The following NUCB2 variants were observed in gnomAD, a reference collection of about 807,000 sequenced individuals.
The protein encoded by NUCB2 is nucleobindin-2.
In NUCB2, 48 loss-of-function variants were observed where a neutral mutation model predicts 57.9. The ratio of observed to expected loss-of-function variants is 0.83; its 90% confidence interval spans 0.66 to 1.05. The LOEUF is 1.05. NUCB2 is among the 50% of genes least tolerant of loss of function. NUCB2 has a pLI of 0.00. For synonymous variants in NUCB2, 139 were observed against 152.1 expected (o/e 0.91, Z 0.64); for missense variants, 442 against 476.2 (o/e 0.93, Z 0.67).
chr11:17,335,831 C>A (rs2139549439), downstream of NUCB2, among the ~76,000 whole-genome samples: 1 of 151,988 alleles, frequency 6.6e-6, no homozygotes, highest in East Asian at 2.0e-4. Flanking sequence ...AAACAGTATT[C>A]TTTTCAGTTG....
intron 2 of NUCB2, among the ~76,000 whole-genome samples, chr11:17,337,928 C>A (rs541793409): frequency 2.0e-5 from 3 of 152,186 alleles, no homozygotes; most frequent in Non-Finnish European, 2.9e-5. Flanking sequence ...AGCCACTGCG[C>A]CTGGCCTTTT....
Position 17,313,368 on chromosome 11 carries a change from A to G in NUCB2, c.912+1248A>G, listed in dbSNP as rs1438296335. Among the ~76,000 whole-genome samples, 4 of 151,870 alleles carry G rather than the reference A, an allele frequency of 2.6e-5. No individual in the cohort carries two copies. In the East Asian group the frequency reaches 7.8e-4, roughly 30 times the overall value. ...AACATGGTGAAACCCTGTGTCTACT[A>G]AAAATACAAAGATTAGCTGGGTGTG... On this transcript the variant is annotated intron_variant, in intron 10 of 13. Transcript: ENST00000529010.
intron 1 of NUCB2, among the ~76,000 whole-genome samples, chr11:17,279,675 A>G (rs898913315): frequency 2.8e-4 from 42 of 152,232 alleles, no homozygotes; most frequent in African/African-American, 9.6e-4. Flanking sequence ...GGACTACTGT[A>G]CCTCCAAGAT....
At chr11:17,343,652 G>A (rs529526160) in intron 2 of NUCB2, among the ~76,000 whole-genome samples, 92 of 152,188 alleles carry the variant, frequency 6.0e-4, no homozygotes, top group African/African-American at 1.9e-3. Context: ...CCTTATTAAA[G>A]TAGTGATATA....
chr11:17,284,183 A>C lies in NUCB2; in HGVS notation c.-1+1240A>C, dbSNP rs560066665. Among the ~76,000 whole-genome samples, 17 of 151,854 alleles carry C rather than the reference A, an allele frequency of 1.1e-4. No individual in the cohort carries two copies. The South Asian group carries it at 1.9e-3, about 17-fold the overall frequency. ...CAGGCATCCACCACCACACCCAACT[A>C]ATTTTTGTATTTTTAGTAGAGATGG... On this transcript the variant is annotated intron_variant, in intron 2 of 13. Transcript: ENST00000529010.
chr11:17,349,923 G>A (rs1338383039), exon 3 of NUCB2: 1 of 152,196 alleles, frequency 6.6e-6, no homozygotes, highest in South Asian at 2.1e-4. Flanking sequence ...TTTGAATACC[G>A]TGTCTCAATG....
chr11:17,311,278 T>G lies in NUCB2; in HGVS notation c.755T>G (p.Leu252Ter). 6.3e-7 allele frequency: 1 copy of G among 1,590,468 alleles called. No homozygotes were observed. The highest frequency in any genetic ancestry group is 1.1e-5 in the South Asian group (1 of 89,610). ...TTTGACCCCAAGACATTTTTCAAAT[T>G]ACATGGTAACGATTTGATACAAATA... ...NDFDPKTFFK[L>*]HDVNSDGFLD... Residue 252 changes from leucine (L) to a stop codon, truncating the protein, a stop_gained, in exon 8 of 14, where the codon TTA (leucine) becomes TGA (stop). Coordinates refer to ENST00000529010, the MANE Select transcript of NUCB2 (RefSeq NM_005013.4). LOFTEE classifies it high-confidence loss of function.
At chr11:17,314,871 C>T (rs901967265) in intron 10 of NUCB2, among the ~76,000 whole-genome samples, 1 of 152,146 alleles carries the variant, frequency 6.6e-6, no homozygotes, top group Non-Finnish European at 1.5e-5. Context: ...TTGCCACAGC[C>T]TGTAACAGCT....
intron 2 of NUCB2, among the ~76,000 whole-genome samples, chr11:17,283,903 A>G: frequency 6.6e-6 from 1 of 150,860 alleles, no homozygotes; most frequent in African/African-American, 2.5e-5. Flanking sequence ...AGCTAAAAGT[A>G]GTTTGTTCTT....
intron 2 of NUCB2, among the ~76,000 whole-genome samples, chr11:17,346,384 T>C (rs1952739046): frequency 6.6e-6 from 1 of 152,188 alleles, no homozygotes; most frequent in Non-Finnish European, 1.5e-5. Flanking sequence ...GTAAATCATG[T>C]GGAAAAGCAC....
At chr11:17,308,512 A>G (rs553642597) in intron 5 of NUCB2, among the ~76,000 whole-genome samples, 1 of 152,250 alleles carries the variant, frequency 6.6e-6, no homozygotes, top group East Asian at 1.9e-4. Flanking sequence ...TCACCCTTCC[A>G]TATTTGTATA....
intron 2 of NUCB2, among the ~76,000 whole-genome samples, chr11:17,290,929 T>C (rs1216033082): frequency 6.6e-6 from 1 of 152,226 alleles, no homozygotes; most frequent in Non-Finnish European, 1.5e-5. Flanking sequence ...GATTTACATA[T>C]CATACAATTC....
chr11:17,280,619 G>A (rs994395474), intron 1 of NUCB2, among the ~76,000 whole-genome samples: 2 of 152,196 alleles, frequency 1.3e-5, no homozygotes, highest in African/African-American at 4.8e-5. Context: ...TGAGTCTCTT[G>A]CTACAGTTCT....
Position 17,330,155 on chromosome 11 carries a change from A to T in NUCB2, c.1031A>T (p.Glu344Val). The T allele has an allele frequency of 6.5e-7, 1 of 1,546,342 alleles. No homozygotes were observed. The highest frequency in any genetic ancestry group is 8.9e-7 in the Non-Finnish European group (1 of 1,127,896). ...TTAGATCAGCAACAGTTCTTCACAG[A>T]GGAAGAACTAAAAGAATATGAAAAT... ...ETLDQQQFFT[E>V]EELKEYENII... is the part of the protein sequence containing the mutation. The change falls in exon 12 of 14, where the codon GAG (glutamate) becomes GTG (valine). Residue 344 changes from glutamate (E) to valine (V), a missense_variant. By Grantham distance (121) the Glu-to-Val change is moderately radical (BLOSUM62 -2). Transcript: ENST00000529010. This position sits in a 1 kb window ranked among gnomAD's most constrained non-coding sequence, Gnocchi z 4.3.
At chr11:17,285,554 GCA>G in intron 2 of NUCB2, among the ~76,000 whole-genome samples, 1 of 147,538 alleles carries the variant, frequency 6.8e-6, no homozygotes, top group Non-Finnish European at 1.5e-5. Context: ...TCCAGCCTGT[GCA>G]ACAGAGCGAG....
chr11:17,331,070 T>G (rs1173233709), intron 13 of NUCB2, 87 bp downstream of exon 13: 1 of 914,404 alleles, frequency 1.1e-6, no homozygotes, highest in Non-Finnish European at 1.7e-6. Context: ...TAATTTCAAA[T>G]CATTAAGATG....
At chr11:17,346,889 G>A (rs1212265721) in intron 2 of NUCB2, among the ~76,000 whole-genome samples, 4 of 152,116 alleles carry the variant, frequency 2.6e-5, no homozygotes, top group African/African-American at 7.2e-5. Context: ...GTTTTGTTAT[G>A]TGTTTGTTAT....
chr11:17,297,741 A>G (rs965404208), intron 4 of NUCB2, among the ~76,000 whole-genome samples: 5 of 152,136 alleles, frequency 3.3e-5, no homozygotes, highest in Non-Finnish European at 5.9e-5. Flanking sequence ...TCCTGTTTCT[A>G]TGAAGGGTTA....
At chr11:17,341,180 T>C (rs1015107629) in intron 2 of NUCB2, among the ~76,000 whole-genome samples, 24 of 152,264 alleles carry the variant, frequency 1.6e-4, no homozygotes, top group Admixed American at 6.5e-4. Flanking sequence ...CCTGAGACTT[T>C]GCTGAAGTTG....
Sources: allele counts gnomAD v4.1 joint callset (sites outside exome capture counted in the v4.1 genomes callset), GRCh38; gene constraint gnomAD v4.1.1; non-coding constraint Gnocchi (gnomAD v3.1); transcripts MANE v1.5; gene names NCBI Gene and HGNC (gene_info 2026-07-23, HGNC 2026-07-21).